Variants in LARGE1 observed in about 807,000 individuals in gnomAD.
LARGE1 encodes the protein LARGE xylosyl- and glucuronyltransferase 1, also known as xylosyl- and glucuronyltransferase LARGE1.
LARGE1 carries 43 observed loss-of-function variants against 87.6 expected under a neutral mutation model. The ratio of observed to expected loss-of-function variants is 0.49; its 90% CI spans 0.38 to 0.63. The LOEUF is 0.63. Among genes scored for constraint, LARGE1 ranks in the 30% least tolerant of loss-of-function variants. The pLI is 0.00. For missense variants in LARGE1, 802 were observed against 1,000.2 expected (o/e 0.80, Z 2.67); for synonymous variants, 434 against 394.6 (o/e 1.10, Z -1.18).
intron 13 of LARGE1, among the ~76,000 whole-genome samples, chr22:33,282,529 C>T (rs548482554): frequency 2.6e-5 from 4 of 152,286 alleles, no homozygotes; most frequent in East Asian, 1.9e-4. Flanking sequence ...TGCTCCTGTG[C>T]GGTGGCACAG....
chr22:33,916,841 C>G (rs189500988), intron 1 of LARGE1, among the ~76,000 whole-genome samples: 33 of 152,292 alleles, frequency 2.2e-4, no homozygotes, highest in Non-Finnish European at 3.8e-4. Flanking sequence ...TCCACAGGAT[C>G]GGTCTTCAAT....
downstream of LARGE1, among the ~76,000 whole-genome samples, chr22:33,268,979 T>C (rs1928103532): frequency 6.6e-6 from 1 of 152,180 alleles, no homozygotes; most frequent in African/African-American, 2.4e-5. Context: ...CATACAGACA[T>C]ATGCATAGCC....
intron 1 of LARGE1, among the ~76,000 whole-genome samples, chr22:33,795,350 C>T (rs140412424): frequency 2.6e-5 from 4 of 152,232 alleles, no homozygotes; most frequent in African/African-American, 4.8e-5. Context: ...TTTACACAGA[C>T]GCAAATAACT....
intron 5 of LARGE1, among the ~76,000 whole-genome samples, chr22:33,593,893 C>T (rs9607061): frequency 0.085 from 12,936 of 152,130 alleles, 679 homozygotes; most frequent in African/African-American, 0.14. Flanking sequence ...CATCGGGTAG[C>T]GCTGCTCAAG....
At chr22:33,877,766 A>G (rs2064513608) in intron 1 of LARGE1, among the ~76,000 whole-genome samples, 1 of 151,922 alleles carries the variant, frequency 6.6e-6, no homozygotes, top group African/African-American at 2.4e-5. Context: ...CTACAAAAAT[A>G]CAAAAATTAG....
chr22:33,588,740 A>G (rs914549937), intron 5 of LARGE1, among the ~76,000 whole-genome samples: 1 of 152,212 alleles, frequency 6.6e-6, no homozygotes, highest in Non-Finnish European at 1.5e-5. Flanking sequence ...AGAGGGAGTC[A>G]GAGAGAGAAC....
chr22:33,312,950 A>T (rs1489792339), intron 11 of LARGE1, among the ~76,000 whole-genome samples: 1 of 151,998 alleles, frequency 6.6e-6, no homozygotes. Context: ...TCCAAACTGA[A>T]ATCTGGGTGA....
intron 7 of LARGE1, among the ~76,000 whole-genome samples, chr22:33,393,416 G>A (rs2065602086): frequency 6.6e-6 from 1 of 152,216 alleles, no homozygotes; most frequent in Non-Finnish European, 1.5e-5. Flanking sequence ...CACTGAACTT[G>A]CCTAATTCCC....
intron 1 of LARGE1, among the ~76,000 whole-genome samples, chr22:33,912,397 A>G (rs2065663252): frequency 6.6e-6 from 1 of 152,242 alleles, no homozygotes; most frequent in African/African-American, 2.4e-5. Flanking sequence ...AGAAATCCCT[A>G]GATGCCCACG....
intron 6 of LARGE1, among the ~76,000 whole-genome samples, chr22:33,515,825 T>C (rs1044936947): frequency 6.6e-6 from 1 of 151,810 alleles, no homozygotes; most frequent in Non-Finnish European, 1.5e-5. Flanking sequence ...GGATGAGAGG[T>C]GACGAGTCCA....
At chr22:33,154,820 A>C in the LARGE1 span, among the ~76,000 whole-genome samples, 2 of 152,188 alleles carry the variant, frequency 1.3e-5, no homozygotes, top group African/African-American at 4.8e-5. Context: ...TCTCATCTTG[A>C]ATTGTAACTG....
At chr22:33,770,424 A>C (rs2085030463) in intron 1 of LARGE1, among the ~76,000 whole-genome samples, 1 of 152,214 alleles carries the variant, frequency 6.6e-6, no homozygotes, top group Non-Finnish European at 1.5e-5. Flanking sequence ...GCTCATGCCT[A>C]TAATCCCAAC....
the LARGE1 span, among the ~76,000 whole-genome samples, chr22:33,070,162 C>T: frequency 6.6e-6 from 1 of 152,198 alleles, no homozygotes; most frequent in Admixed American, 6.5e-5. Flanking sequence ...TTTCTCAATT[C>T]CTGCAAGGAC....
At chr22:33,134,068 A>G in the LARGE1 span, among the ~76,000 whole-genome samples, 1 of 152,324 alleles carries the variant, frequency 6.6e-6, no homozygotes, top group Non-Finnish European at 1.5e-5. Context: ...AGTCAGTCCT[A>G]CACTAGGATG....
At chr22:33,088,381 A>G in the LARGE1 span, among the ~76,000 whole-genome samples, 1 of 152,196 alleles carries the variant, frequency 6.6e-6, no homozygotes, top group Middle Eastern at 3.2e-3. Context: ...CAAAAAAGAC[A>G]GCTTATAATA....
At chr22:33,774,153 G>A (rs928661276) in intron 1 of LARGE1, among the ~76,000 whole-genome samples, 2 of 152,028 alleles carry the variant, frequency 1.3e-5, no homozygotes, top group Non-Finnish European at 2.9e-5. Context: ...TTCTTGAAGG[G>A]ACCATATCCA....
intron 6 of LARGE1, among the ~76,000 whole-genome samples, chr22:33,505,605 T>G (rs759273209): frequency 2.6e-5 from 4 of 152,128 alleles, no homozygotes; most frequent in Non-Finnish European, 4.4e-5. Flanking sequence ...AGAGGAGATT[T>G]TGGGCTGAAT....
At chr22:33,205,798 G>A (rs1411893840) in intron 11 of LARGE1, among the ~76,000 whole-genome samples, 1 of 151,988 alleles carries the variant, frequency 6.6e-6, no homozygotes, top group African/African-American at 2.4e-5. Context: ...GTTTTTTTCC[G>A]AGACAGAGTC....
At chr22:33,104,891 CTT>C in the LARGE1 span, among the ~76,000 whole-genome samples, 11,416 of 45,762 alleles carry the variant, frequency 0.25, 633 homozygotes, top group Middle Eastern at 0.4. Context: ...CTTTCTCTCT[CTT>C]TCTTTCTTTC....
Sources: allele counts gnomAD v4.1 joint callset (sites outside exome capture counted in the v4.1 genomes callset), GRCh38; gene constraint gnomAD v4.1.1; transcripts MANE v1.5; gene names NCBI Gene and HGNC (gene_info 2026-07-23, HGNC 2026-07-21).